Variants in PTPRK observed in about 807,000 individuals in gnomAD.
PTPRK encodes receptor-type tyrosine-protein phosphatase kappa.
A neutral mutation model predicts 178.0 loss-of-function variants in PTPRK; 75 were observed. The observed-to-expected ratio is 0.42, with a 90% CI of 0.35 to 0.51. The LOEUF is 0.51. PTPRK is among the 20% of genes least tolerant of loss of function. The pLI, the probability that PTPRK is intolerant of heterozygous loss-of-function variation, is 0.02. For synonymous variants in PTPRK, 637 were observed against 620.6 expected, an observed-to-expected ratio of 1.03 and a Z score of -0.39; for missense variants, 1,441 against 1,797.8, an observed-to-expected ratio of 0.80 and a Z score of 3.59.
chr6:128,499,387 CAT>C (rs1406383285), intron 1 of PTPRK, among the ~76,000 whole-genome samples: 2 of 152,242 alleles, frequency 1.3e-5, no homozygotes, highest in Non-Finnish European at 2.9e-5. Flanking sequence ...TAGTAACTTA[CAT>C]ATGTGTAGCT....
intron 3 of PTPRK, among the ~76,000 whole-genome samples, chr6:128,300,229 C>G (rs1374255688): frequency 6.6e-6 from 1 of 151,948 alleles, no homozygotes; most frequent in African/African-American, 2.4e-5. Flanking sequence ...ACAACAGGTG[C>G]TGGAGAGGAT....
At chr6:128,147,822 A>C (rs1190848041) in intron 7 of PTPRK, among the ~76,000 whole-genome samples, 2 of 152,198 alleles carry the variant, frequency 1.3e-5, no homozygotes, top group African/African-American at 4.8e-5. Flanking sequence ...AAAAATGATT[A>C]ATATAAGTTT....
At chr6:128,169,951 G>A (rs1800003661) in intron 7 of PTPRK, among the ~76,000 whole-genome samples, 1 of 151,786 alleles carries the variant, frequency 6.6e-6, no homozygotes, top group Non-Finnish European at 1.5e-5. Context: ...TAAATTAATG[G>A]TGACAAAATA....
At chr6:128,325,461 T>C (rs6922127) in intron 2 of PTPRK, among the ~76,000 whole-genome samples, 148,027 of 152,254 alleles carry the variant, frequency 0.97, 72,083 homozygotes, top group East Asian at 1. Context: ...CTACAAGGAA[T>C]TTAAACAAAT....
chr6:128,488,434 T>C (rs978887477), intron 1 of PTPRK, among the ~76,000 whole-genome samples: 2 of 152,148 alleles, frequency 1.3e-5, no homozygotes, highest in Non-Finnish European at 2.9e-5. Context: ...TCCGATCAAG[T>C]TGCCACTAGA....
intron 13 of PTPRK, among the ~76,000 whole-genome samples, chr6:128,029,154 G>C (rs1325948339): frequency 6.6e-6 from 1 of 152,128 alleles, no homozygotes; most frequent in African/African-American, 2.4e-5. Context: ...CATCCTCACA[G>C]TAATGAGTGT....
chr6:128,398,088 C>T (rs1217995079), intron 1 of PTPRK, among the ~76,000 whole-genome samples: 2 of 152,082 alleles, frequency 1.3e-5, no homozygotes, highest in Non-Finnish European at 1.5e-5. Context: ...AATGAAGTAA[C>T]GAAAGCAGAG....
At chr6:128,065,278 G>C (rs989127738) in intron 12 of PTPRK, among the ~76,000 whole-genome samples, 1 of 152,228 alleles carries the variant, frequency 6.6e-6, no homozygotes, top group Non-Finnish European at 1.5e-5. Context: ...TTACATCATA[G>C]TTATGGTGTA....
Position 128,200,707 on chromosome 6 carries a change from C to G in PTPRK, c.869-15982G>C, listed in dbSNP as rs1382949872. 3.4e-5 allele frequency among the ~76,000 whole-genome samples: 5 copies of G among 148,730 alleles called. No homozygotes were observed. The South Asian group carries it at 6.5e-4, about 19-fold the overall frequency. On this transcript the variant is annotated intron_variant, in intron 6 of 29. Coordinates refer to ENST00000368226, the MANE Select transcript of PTPRK (RefSeq NM_002844.4). The stretch of plus-strand genomic sequence containing the variant: ...TCTAGGTGACAGAGAGAGACCCTGT[C>G]AAAAGTAAAATAAATAAATAAAAGT...
intron 2 of PTPRK, among the ~76,000 whole-genome samples, chr6:128,328,884 C>G (rs1250066282): frequency 6.6e-6 from 1 of 152,056 alleles, no homozygotes; most frequent in Non-Finnish European, 1.5e-5. Context: ...TTACAAATCT[C>G]TTTAGTATCT....
chr6:128,199,565 AAGGAAGGAAGGG>A (rs1243058705), intron 6 of PTPRK, among the ~76,000 whole-genome samples: 11 of 131,386 alleles, frequency 8.4e-5, no homozygotes, highest in Admixed American at 1.5e-4. Flanking sequence ...ACAATATATC[AAGGAAGGAAGGG>A]AGGGAGGGAG....
intron 2 of PTPRK, among the ~76,000 whole-genome samples, chr6:128,372,314 G>A (rs1836411319): frequency 6.6e-6 from 1 of 152,156 alleles, no homozygotes; most frequent in African/African-American, 2.4e-5. Context: ...TAAATTAGAA[G>A]TGAAAAAGTA....
intron 1 of PTPRK, among the ~76,000 whole-genome samples, chr6:128,476,591 A>G (rs1017036540): frequency 6.6e-6 from 1 of 152,066 alleles, no homozygotes; most frequent in Non-Finnish European, 1.5e-5. Flanking sequence ...TCATAAAGTC[A>G]TTTTAATAAA....
At chr6:128,267,548 T>G (rs893916127) in intron 3 of PTPRK, among the ~76,000 whole-genome samples, 18 of 152,238 alleles carry the variant, frequency 1.2e-4, no homozygotes, top group African/African-American at 4.1e-4. Flanking sequence ...TTTAAAACTG[T>G]GTAACTTCCT....
intron 7 of PTPRK, among the ~76,000 whole-genome samples, chr6:128,142,070 T>G (rs548287801): frequency 6.6e-5 from 10 of 152,016 alleles, no homozygotes; most frequent in African/African-American, 1.9e-4. Context: ...AGTTATATAT[T>G]CACTATGTGC....
intron 3 of PTPRK, among the ~76,000 whole-genome samples, chr6:128,265,084 T>A (rs745998330): frequency 6.6e-6 from 1 of 152,068 alleles, no homozygotes; most frequent in African/African-American, 2.4e-5. Context: ...CTAATACAAG[T>A]GTGTAGAACA....
rs1858173538 is a variant in PTPRK at position 128,517,094 on chromosome 6, A to G, written c.100+3165T>C. On this transcript the variant is annotated intron_variant, in intron 1 of 29. Transcript: ENST00000368226. ...AACACACACACACATGCACACACAC[A>G]CGTGCGCACACACACACTCACACAC... is the stretch of plus-strand genomic sequence containing the variant. 2.6e-5 allele frequency among the ~76,000 whole-genome samples: 4 copies of G among 151,638 alleles called. No homozygotes were observed. The South Asian group carries it at 8.3e-4, about 32-fold the overall frequency.
rs1776524451 is a variant in PTPRK, at chr6:127,990,803, G to A, written c.3062C>T (p.Ala1021Val). Residue 1021 changes from alanine to valine, a missense_variant, in exon 21 of 30, where the codon GCT becomes GTT. Physicochemically the swap from Ala to Val is moderately conservative, Grantham distance 64. This residue lies in a region of PTPRK where 945 missense variants were observed against 1,080.6 expected (regional missense o/e 0.87). Transcript: ENST00000368226. ...GGTGAATGTCCTAACTACATATTCA[G>A]CAAGTGGTTCCATTTCTACACACGT... is the stretch of plus-strand genomic sequence containing the variant. ...KVTCVEMEPLAEYVVRTFTLE... is the reference protein window; with the variant it reads ...KVTCVEMEPLVEYVVRTFTLE... 3 of 1,610,390 alleles carry A rather than the reference G, an allele frequency of 1.9e-6. No individual in the cohort carries two copies. The highest frequency in any genetic ancestry group is 2.5e-6 in the Non-Finnish European group (3 of 1,177,002).
intron 2 of PTPRK, among the ~76,000 whole-genome samples, chr6:128,387,696 T>C (rs1838949837): frequency 6.6e-6 from 1 of 151,984 alleles, no homozygotes; most frequent in African/African-American, 2.4e-5. Flanking sequence ...TTCCACATCA[T>C]AAAAATCATA....
Sources: gnomAD v4.1 joint callset for allele counts (sites outside exome capture counted in the v4.1 genomes callset) on GRCh38, gnomAD v4.1.1 for gene constraint, gnomAD v4.1.1 regional missense constraint, MANE v1.5 for transcripts, NCBI Gene and HGNC (gene_info 2026-07-23, HGNC 2026-07-21) for gene names.